Variants in DOCK10 observed in about 807,000 individuals in gnomAD.
The protein encoded by DOCK10 is dedicator of cytokinesis protein 10.
In DOCK10, 145 loss-of-function variants were observed where a neutral mutation model predicts 280.1. The ratio of observed to expected loss-of-function variants is 0.52; its 90% CI spans 0.45 to 0.59. The LOEUF is 0.59. DOCK10 is among the 20% of genes least tolerant of loss of function. DOCK10 has a pLI of 0.00. For missense variants in DOCK10, 2,368 were observed against 2,651.7 expected, an observed-to-expected ratio of 0.89 and a Z score of 2.35; for synonymous variants, 915 against 942.2, an observed-to-expected ratio of 0.97 and a Z score of 0.53.
intron 51 of DOCK10, among the ~76,000 whole-genome samples, chr2:224,775,760 C>T (rs1454540692): frequency 6.6e-6 from 1 of 152,204 alleles, no homozygotes; most frequent in Non-Finnish European, 1.5e-5. Context: ...GAGCCAAGGG[C>T]CACTGCACCC....
At position 225,035,557 on chromosome 2, in the gene DOCK10, TATATATATATATATA is replaced by T. The variant is rs1264158013; in HGVS notation, c.123+6680_123+6694del. On this transcript the variant is annotated intron_variant, in intron 1 of 55. Coordinates refer to ENST00000258390, the MANE Select transcript of DOCK10 (RefSeq NM_014689.3). ...ATGATATATATTATATATATATATA[TATATATATATATATA>T]TATATATATATATATAACACTGAAT... 7.0e-5 allele frequency among the ~76,000 whole-genome samples: 3 copies of T among 42,982 alleles called. No homozygotes were observed. The South Asian group carries it at 3.6e-3, about 51-fold the overall frequency. 28.2% of individuals were successfully genotyped at this position (42,982 alleles called of 152,430 possible).
intron 1 of DOCK10, among the ~76,000 whole-genome samples, chr2:224,988,922 T>C (rs184321999): frequency 2.6e-5 from 4 of 152,316 alleles, no homozygotes; most frequent in East Asian, 3.9e-4. Context: ...CCCTTTATCA[T>C]TACTTGCTTC....
At chr2:225,035,571 T>TA (rs1553634939) in intron 1 of DOCK10, among the ~76,000 whole-genome samples, 1 of 43,852 alleles carries the variant, frequency 2.3e-5, no homozygotes, top group Admixed American at 2.4e-4. Context: ...TATATATATA[T>TA]ATATATATAT....
At chr2:224,866,448 T>G (rs1697916091) in intron 11 of DOCK10, among the ~76,000 whole-genome samples, 1 of 152,176 alleles carries the variant, frequency 6.6e-6, no homozygotes, top group Non-Finnish European at 1.5e-5. Flanking sequence ...TATCTGCTGG[T>G]TTTCTCCATT....
intron 28 of DOCK10, among the ~76,000 whole-genome samples, chr2:224,821,765 G>T (rs965159443): frequency 2.6e-5 from 4 of 151,938 alleles, no homozygotes; most frequent in African/African-American, 4.8e-5. Flanking sequence ...TTCTTTCTAA[G>T]TTTCCTAGTA....
intron 1 of DOCK10, among the ~76,000 whole-genome samples, chr2:224,997,297 T>G (rs1033245552): frequency 1.4e-5 from 2 of 147,638 alleles, no homozygotes; most frequent in African/African-American, 4.9e-5. Flanking sequence ...AATGGCATAA[T>G]CTTTGCTCAC....
intron 29 of DOCK10, among the ~76,000 whole-genome samples, chr2:224,818,063 A>T (rs1053277510): frequency 6.6e-6 from 1 of 152,194 alleles, no homozygotes; most frequent in African/African-American, 2.4e-5. Context: ...ATGGAAGGTG[A>T]ATCTGAAGCA....
chr2:224,924,900 T>C (rs965800870), intron 2 of DOCK10, among the ~76,000 whole-genome samples: 1 of 152,210 alleles, frequency 6.6e-6, no homozygotes, highest in African/African-American at 2.4e-5. Context: ...CAGAAACTAA[T>C]AGTAAAAGTC....
At chr2:224,897,813 T>G (rs1473901157) in intron 3 of DOCK10, among the ~76,000 whole-genome samples, 1 of 152,162 alleles carries the variant, frequency 6.6e-6, no homozygotes, top group Non-Finnish European at 1.5e-5. Flanking sequence ...TTATATAATA[T>G]TTATGGATGG....
chr2:225,003,095 G>T (rs999051804), intron 1 of DOCK10, among the ~76,000 whole-genome samples: 4 of 152,148 alleles, frequency 2.6e-5, no homozygotes, highest in African/African-American at 9.7e-5. Context: ...TCACCAGGCT[G>T]GAGTGCAGTG....
At chr2:224,979,380 C>T (rs1385022711) in intron 1 of DOCK10, among the ~76,000 whole-genome samples, 1 of 152,342 alleles carries the variant, frequency 6.6e-6, no homozygotes, top group East Asian at 1.9e-4. Context: ...AACTCAAACC[C>T]TGACATTCTG....
At chr2:224,909,026 C>T (rs1481361714) in intron 3 of DOCK10, among the ~76,000 whole-genome samples, 2 of 152,150 alleles carry the variant, frequency 1.3e-5, no homozygotes, top group African/African-American at 4.8e-5. Context: ...ACCTTTGTTC[C>T]CTCTTGAGCC....
intron 25 of DOCK10, among the ~76,000 whole-genome samples, chr2:224,837,165 G>A (rs191622910): frequency 2.0e-5 from 3 of 152,302 alleles, no homozygotes; most frequent in African/African-American, 7.2e-5. Context: ...ATCATCACAA[G>A]TTCACTGGCA....
intron 55 of DOCK10, among the ~76,000 whole-genome samples, chr2:224,768,101 G>C (rs190472697): frequency 6.6e-6 from 1 of 151,904 alleles, no homozygotes; most frequent in East Asian, 1.9e-4. Flanking sequence ...ATTTTTAGTA[G>C]TGACGGGGTT....
intron 9 of DOCK10, 149 bp from the exon 10 acceptor site, chr2:224,874,498 C>A: frequency 1.1e-6 from 1 of 920,640 alleles, no homozygotes; most frequent in Non-Finnish European, 1.7e-6. Flanking sequence ...AGTATGTTTC[C>A]TTTTTGAGCC....
At chr2:224,881,447 T>C (rs1698973378) in intron 7 of DOCK10, among the ~76,000 whole-genome samples, 1 of 152,204 alleles carries the variant, frequency 6.6e-6, no homozygotes, top group Admixed American at 6.5e-5. Flanking sequence ...CATATCTTTG[T>C]AGTGTTTTTT....
chr2:224,988,825 T>C (rs955310191), intron 1 of DOCK10, among the ~76,000 whole-genome samples: 1 of 152,220 alleles, frequency 6.6e-6, no homozygotes, highest in South Asian at 2.1e-4. Flanking sequence ...CTGTGTTTAC[T>C]GTGTGAAGTG....
At chr2:224,856,588 T>A (rs528683032) in intron 15 of DOCK10, among the ~76,000 whole-genome samples, 11 of 152,346 alleles carry the variant, frequency 7.2e-5, no homozygotes, top group African/African-American at 2.6e-4. Flanking sequence ...ACAATTACTA[T>A]AGCAGTGTTG....
chr2:224,853,074 GCCAT>G lies in DOCK10; in HGVS notation c.1933_1936del (p.Met645LeufsTer51). The G allele has an allele frequency of 6.2e-7, 1 of 1,608,920 alleles. No homozygotes were observed. The highest frequency in any genetic ancestry group is 8.5e-7 in the Non-Finnish European group (1 of 1,176,680). The stretch of plus-strand genomic sequence containing the variant: ...CACCTCCACTGTGGGTTCTGTTTGA[GCCAT>G]CATGTTGAAAGGCTTGACAGGGATA... On this transcript the variant is annotated frameshift_variant, in exon 17 of 56. Coordinates refer to ENST00000258390, the MANE Select transcript of DOCK10 (RefSeq NM_014689.3). LOFTEE classifies it high-confidence loss of function.
Sources: allele counts gnomAD v4.1 joint callset (sites outside exome capture counted in the v4.1 genomes callset), GRCh38; gene constraint gnomAD v4.1.1; transcripts MANE v1.5; gene names NCBI Gene and HGNC (gene_info 2026-07-23, HGNC 2026-07-21).